Variants in IGHMBP2 observed in about 807,000 individuals in gnomAD.
The protein encoded by IGHMBP2 is DNA-binding protein SMUBP-2.
In IGHMBP2, 81 loss-of-function variants were observed where a neutral mutation model predicts 96.0. The ratio of observed to expected loss-of-function variants is 0.84; its 90% CI spans 0.71 to 1.01. IGHMBP2 has a LOEUF of 1.01. Among genes scored for constraint, IGHMBP2 ranks in the 50% least tolerant of loss-of-function variants. The pLI, the probability that IGHMBP2 is intolerant of heterozygous loss-of-function variation, is 0.00. For synonymous variants in IGHMBP2, 557 were observed against 548.9 expected, an observed-to-expected ratio of 1.01 and a Z score of -0.21; for missense variants, 1,227 against 1,306.3, an observed-to-expected ratio of 0.94 and a Z score of 0.94.
intron 5 of IGHMBP2, among the ~76,000 whole-genome samples, chr11:68,912,276 C>T (rs186936743): frequency 2.9e-4 from 44 of 152,188 alleles, no homozygotes; most frequent in Middle Eastern, 3.4e-3. Context: ...GGATTATAGG[C>T]GTGCGCCACC....
intron 7 of IGHMBP2, among the ~76,000 whole-genome samples, chr11:68,920,063 T>G (rs1858823350): frequency 6.6e-6 from 1 of 152,210 alleles, no homozygotes; most frequent in Non-Finnish European, 1.5e-5. Flanking sequence ...CAATTCCCTT[T>G]TTCCCTGTCC....
Position 68,904,009 on chromosome 11 carries a change from T to G in IGHMBP2, c.57T>G (p.Leu19=), listed in dbSNP as rs1249463. 6.4e-7 allele frequency: 1 copy of G among 1,550,438 alleles called. No individual in the cohort carries two copies. Among genetic ancestry groups the G allele is most frequent in the South Asian group, 1.2e-5 (1 of 84,214 alleles). The part of the protein sequence containing the change: ...FVTKQLDLLE[L]ERDAEVEERR... Reference sequence around the variant, plus strand: ...CCAAGCAACTGGACCTGCTGGAGCTTGAGAGAGACGCGGAGGTGGAGGAGC... The same window carrying G: ...CCAAGCAACTGGACCTGCTGGAGCTGGAGAGAGACGCGGAGGTGGAGGAGC... The change falls in exon 1 of 15, where the codon CTT becomes CTG. Residue 19 remains leucine, a synonymous_variant. Transcript: ENST00000255078.
At chr11:68,921,920 G>A (rs1858893229) in intron 7 of IGHMBP2, among the ~76,000 whole-genome samples, 1 of 152,168 alleles carries the variant, frequency 6.6e-6, no homozygotes. Flanking sequence ...ACTTTTCCTT[G>A]CAATATTTTA....
chr11:68,908,734 TAGA>T (rs1415227402), intron 4 of IGHMBP2, 103 bp downstream of exon 4: 5 of 787,118 alleles, frequency 6.4e-6, no homozygotes, highest in South Asian at 1.4e-5. Flanking sequence ...AAAGTATGAC[TAGA>T]AGAAGTCTCC....
At chr11:68,924,845 T>C (rs1859004024) in intron 7 of IGHMBP2, among the ~76,000 whole-genome samples, 2 of 152,238 alleles carry the variant, frequency 1.3e-5, no homozygotes. Flanking sequence ...GGGGCATACC[T>C]TAAAGCAAGT....
In IGHMBP2 at chr11:68,906,205, G is replaced by C. The variant is rs2228206; in HGVS notation, c.223G>C (p.Ala75Pro). 6.2e-7 allele frequency: 1 copy of C among 1,614,020 alleles called. No homozygotes were observed. Among genetic ancestry groups the C allele is most frequent in the Non-Finnish European group, 8.5e-7 (1 of 1,179,970 alleles). The change falls in exon 2 of 15, where the codon GCG becomes CCG. Residue 75 changes from alanine to proline, a missense_variant. Ala to Pro is a conservative substitution (Grantham distance 27, BLOSUM62 -1). This residue lies in a region of IGHMBP2 where 507 missense variants were observed against 496.9 expected (regional missense o/e 1.02). Coordinates refer to ENST00000255078, the MANE Select transcript of IGHMBP2 (RefSeq NM_002180.3). The part of the protein sequence containing the change: ...VTFEPRRYGS[A>P]AALPSNSFTS... ...CTTTGAGCCCAGGCGATACGGGTCCGCGGCAGCTCTTCCCAGTAACAGCTT... is the reference window on the plus strand; with the variant it reads ...CTTTGAGCCCAGGCGATACGGGTCCCCGGCAGCTCTTCCCAGTAACAGCTT...
chr11:68,932,843 A>G (rs1859365119), intron 8 of IGHMBP2: 3 of 183,290 alleles, frequency 1.6e-5, no homozygotes, highest in East Asian at 1.4e-4. Context: ...CTTCTGGAGG[A>G]TCCAGGGGAA....
In IGHMBP2 at chr11:68,933,841, C is replaced by G. The variant is rs1365833591; in HGVS notation, c.1465C>G (p.Leu489Val). 1 of 1,611,836 alleles carries G rather than the reference C, an allele frequency of 6.2e-7. No homozygotes were observed. The highest frequency in any genetic ancestry group is 8.5e-7 in the Non-Finnish European group (1 of 1,179,152). Reference sequence around the variant, plus strand: ...CACAGAAGAGACGGGTGTGCCCCTGCTCTTGGTGGACACCGCCGGCTGCGG... The same window carrying G: ...CACAGAAGAGACGGGTGTGCCCCTGGTCTTGGTGGACACCGCCGGCTGCGG... ...AATEETGVPL[L>V]LVDTAGCGLF... The change falls in exon 10 of 15, where the codon CTC becomes GTC. Residue 489 changes from leucine to valine, a missense_variant. By Grantham distance (32) the Leu-to-Val change is conservative. Coordinates refer to ENST00000255078, the MANE Select transcript of IGHMBP2 (RefSeq NM_002180.3).
rs949035216 is a variant in IGHMBP2 at position 68,911,354 on chromosome 11, A to T, written c.548-86A>T. ...GGCGTGTTCCTGACAGGCATCACTCATCCCCCGGGGCACACACTCTCTGAG... is the reference window on the plus strand; with the variant it reads ...GGCGTGTTCCTGACAGGCATCACTCTTCCCCCGGGGCACACACTCTCTGAG... On this transcript the variant is annotated intron_variant, in intron 4 of 14. Transcript: ENST00000255078. 10 of 1,396,720 alleles carry T rather than the reference A, an allele frequency of 7.2e-6. No homozygotes were observed. The African/African-American group carries it at 1.4e-4, about 20-fold the overall frequency. The allele number at this position is 1,396,720 out of a possible 1,614,324, so 86.5% of individuals were successfully genotyped here.
rs183650590 is a variant in IGHMBP2 at position 68,906,050 on chromosome 11, A to G, written c.87-19A>G. The G allele has an allele frequency of 5.6e-6, 9 of 1,613,110 alleles. No individual in the cohort carries two copies. In the East Asian group the frequency reaches 1.3e-4, roughly 24 times the overall value. The stretch of plus-strand genomic sequence containing the variant: ...AAACTAGTAAAAATCCTGAAGCATC[A>G]ATACCGGGTGTCTTCCAGGTCCTGG... On this transcript the variant is annotated intron_variant, in intron 1 of 14. Transcript: ENST00000255078.
chr11:68,905,165 G>GC (rs1370370257), intron 1 of IGHMBP2, among the ~76,000 whole-genome samples: 1 of 152,204 alleles, frequency 6.6e-6, no homozygotes, highest in African/African-American at 2.4e-5. Context: ...TAAGTAACTT[G>GC]CCCCGGGGTG....
At chr11:68,934,676 A>C in intron 11 of IGHMBP2, 118 bp downstream of exon 11, 1 of 801,010 alleles carries the variant, frequency 1.2e-6, no homozygotes, top group Non-Finnish European at 2.1e-6. Flanking sequence ...GGTAGGGCTG[A>C]CCTTATTGTG....
chr11:68,933,334 A>G lies in IGHMBP2; in HGVS notation c.1271A>G (p.Glu424Gly), dbSNP rs997738793. The change falls in exon 9 of 15, where the codon GAA (glutamate) becomes GGA (glycine). Residue 424 changes from glutamate (E) to glycine (G), a missense_variant. By Grantham distance (98) the Glu-to-Gly change is moderately conservative (BLOSUM62 -2). This residue lies in a region of IGHMBP2 where 17 missense variants were observed against 39.1 expected (regional missense o/e 0.43). Coordinates refer to ENST00000255078, the MANE Select transcript of IGHMBP2 (RefSeq NM_002180.3). ...ALAGLSLSLM[E>G]RLAEEYGARV... Reference sequence around the variant, plus strand: ...GCAGGACTGTCACTCAGCCTGATGGAACGCCTGGCTGAGGAGTACGGCGCG... The same window carrying G: ...GCAGGACTGTCACTCAGCCTGATGGGACGCCTGGCTGAGGAGTACGGCGCG... 6.2e-7 allele frequency: 1 copy of G among 1,613,050 alleles called. No homozygotes were observed. Among genetic ancestry groups the G allele is most frequent in the African/African-American group, 1.3e-5 (1 of 74,942 alleles).
rs192323245 is a variant in IGHMBP2, at chr11:68,931,986, G to A, written c.1236-1313G>A. 5.4e-5 allele frequency among the ~76,000 whole-genome samples: 8 copies of A among 148,806 alleles called. No homozygotes were observed. In the East Asian group the frequency reaches 1.6e-3, roughly 30 times the overall value. On this transcript the variant is annotated intron_variant, in intron 8 of 14. Coordinates refer to ENST00000255078, the MANE Select transcript of IGHMBP2 (RefSeq NM_002180.3). ...GAGTAGGATGGTTTTGGGGGAAGAC[G>A]TTGGGTGGTGTTCCCTGGAGAGAGT...
Position 68,908,136 on chromosome 11 carries a change from T to G in IGHMBP2, c.257-9T>G. 6.2e-7 allele frequency: 1 copy of G among 1,613,084 alleles called. No individual in the cohort carries two copies. Among genetic ancestry groups the G allele is most frequent in the East Asian group, 2.2e-5 (1 of 44,868 alleles). ...AGTGTCTTGTGTCACTGAGTCTTTG[T>G]TTTTGCAGGTGATATCGTGGGCCTG... On this transcript the variant is annotated splice_polypyrimidine_tract_variant and intron_variant, in intron 2 of 14. Transcript: ENST00000255078.
At chr11:68,919,679 A>C (rs999891781) in intron 7 of IGHMBP2, among the ~76,000 whole-genome samples, 3 of 152,196 alleles carry the variant, frequency 2.0e-5, no homozygotes, top group Admixed American at 2.0e-4. Flanking sequence ...GAAATCTCTG[A>C]ATATAACTGG....
rs567322475 is a variant in IGHMBP2, at chr11:68,917,859, A to G, written c.1036A>G (p.Asn346Asp). 1.4e-5 allele frequency: 23 copies of G among 1,614,144 alleles called. No homozygotes were observed. Among genetic ancestry groups the G allele is most frequent in the South Asian group, 7.7e-5 (7 of 91,076 alleles). ...TATGCTCGAGAGCCTCACTTCGGCA[A>G]ACGTGGTCCTTGCAACAAACACAGG... Reference protein sequence around the residue: ...AAMLESLTSANVVLATNTGAS... With the variant: ...AAMLESLTSADVVLATNTGAS... Residue 346 changes from asparagine to aspartate, a missense_variant, in exon 7 of 15, where the codon AAC becomes GAC. Transcript: ENST00000255078.
intron 10 of IGHMBP2, 40 bp downstream of exon 10, chr11:68,933,953 A>G: frequency 1.5e-6 from 2 of 1,317,356 alleles, no homozygotes; most frequent in South Asian, 2.5e-5. Flanking sequence ...TTGTTTAAAC[A>G]TACCTCCAGC....
At position 68,920,198 on chromosome 11, in the gene IGHMBP2, C is replaced by T. The variant is rs530232776; in HGVS notation, c.1060+2315C>T. Among the ~76,000 whole-genome samples, 27 of 152,278 alleles carry T rather than the reference C, an allele frequency of 1.8e-4. No individual in the cohort carries two copies. In the South Asian group the frequency reaches 5.4e-3, roughly 30 times the overall value. ...CTGGCTTGTTTTATTTAGTGTAATG[C>T]CCTCATGGTTCATCCATGTTGTCCA... On this transcript the variant is annotated intron_variant, in intron 7 of 14. Coordinates refer to ENST00000255078, the MANE Select transcript of IGHMBP2 (RefSeq NM_002180.3).
Sources: gnomAD v4.1 joint callset for allele counts (sites outside exome capture counted in the v4.1 genomes callset) on GRCh38, gnomAD v4.1.1 for gene constraint, gnomAD v4.1.1 regional missense constraint, MANE v1.5 for transcripts, NCBI Gene and HGNC (gene_info 2026-07-23, HGNC 2026-07-21) for gene names.